The following ATL1 variants were observed in gnomAD, a reference collection of about 807,000 sequenced individuals.
The protein encoded by ATL1 is atlastin-1.
ATL1 carries 31 observed loss-of-function variants against 75.5 expected under a neutral mutation model. The ratio of observed to expected loss-of-function variants is 0.41; its 90% confidence interval spans 0.31 to 0.55. ATL1 has a LOEUF of 0.55. Ranked by LOEUF, ATL1 falls within the 20% of genes least tolerant of loss-of-function variation. The pLI is 0.27. For synonymous variants in ATL1, 226 were observed against 233.3 expected (o/e 0.97, Z 0.28); for missense variants, 405 against 662.6 (o/e 0.61, Z 4.27).
intron 1 of ATL1, among the ~76,000 whole-genome samples, chr14:50,554,114 T>C (rs1479004507): frequency 6.6e-6 from 1 of 152,164 alleles, no homozygotes; most frequent in African/African-American, 2.4e-5. Context: ...AAAAAGTTTT[T>C]TTTTTTTAAT....
upstream of ATL1, among the ~76,000 whole-genome samples, chr14:50,558,544 C>CA (rs1337093723): frequency 2.6e-5 from 4 of 152,190 alleles, no homozygotes; most frequent in African/African-American, 9.7e-5. Context: ...CACACAGTCT[C>CA]AAAGTATTCA....
chr14:50,583,764 A>G (rs117205451), intron 1 of ATL1, among the ~76,000 whole-genome samples: 469 of 152,334 alleles, frequency 3.1e-3, no homozygotes, highest in Non-Finnish European at 4.6e-3. Flanking sequence ...GGTGCTTGCC[A>G]TATTATATAC....
At position 50,621,993 on chromosome 14, in the gene ATL1, T is replaced by A. The variant is rs979175855; in HGVS notation, c.1047+94T>A. Reference sequence around the variant, plus strand: ...AACCAAATAACAATATTAGACAGAATAATTTATTGGAAGATTATTTGCCTA... The same window carrying A: ...AACCAAATAACAATATTAGACAGAAAAATTTATTGGAAGATTATTTGCCTA... On this transcript the variant is annotated intron_variant, in intron 10 of 13. Coordinates refer to ENST00000358385, the MANE Select transcript of ATL1 (RefSeq NM_015915.5). 1.7e-5 allele frequency: 15 copies of A among 859,466 alleles called. No individual in the cohort carries two copies. The East Asian group carries it at 3.6e-4, about 20-fold the overall frequency. 53.2% of individuals were successfully genotyped at this position (859,466 alleles called of 1,614,324 possible). A position where few individuals can be genotyped will look rare whatever the true frequency, so the allele number is the denominator to read the frequency against.
At chr14:50,588,855 A>C (rs1206016261) in intron 2 of ATL1, among the ~76,000 whole-genome samples, 2 of 152,210 alleles carry the variant, frequency 1.3e-5, no homozygotes, top group Non-Finnish European at 2.9e-5. Flanking sequence ...AAATGTTATT[A>C]TGCTAATTAA....
At chr14:50,543,690 G>A (rs1271254169) in intron 1 of ATL1, among the ~76,000 whole-genome samples, 1 of 152,136 alleles carries the variant, frequency 6.6e-6, no homozygotes, top group South Asian at 2.1e-4. Context: ...ACTCAACCCA[G>A]TCACCATTAT....
chr14:50,597,750 A>C (rs1237932064), intron 6 of ATL1, among the ~76,000 whole-genome samples: 1 of 152,082 alleles, frequency 6.6e-6, no homozygotes. Context: ...GCTGGAGTGC[A>C]GTGGTGCGAT....
chr14:50,582,590 GTTT>G (rs35684925), intron 1 of ATL1, among the ~76,000 whole-genome samples: 6 of 139,724 alleles, frequency 4.3e-5, no homozygotes, highest in Non-Finnish European at 3.1e-5. Flanking sequence ...TTGTGTTGTT[GTTT>G]TTTTTTTTTT....
intron 6 of ATL1, among the ~76,000 whole-genome samples, chr14:50,604,818 C>T (rs989144378): frequency 6.6e-6 from 1 of 151,948 alleles, no homozygotes; most frequent in African/African-American, 2.4e-5. Context: ...TACCATATTT[C>T]GTTAGTTAAG....
At chr14:50,601,264 A>G (rs2039269399) in intron 6 of ATL1, among the ~76,000 whole-genome samples, 1 of 152,224 alleles carries the variant, frequency 6.6e-6, no homozygotes, top group Admixed American at 6.5e-5. Context: ...GAATTAACAT[A>G]TTAACTTGAT....
chr14:50,628,015 T>G lies in ATL1; in HGVS notation c.1120-16T>G. The G allele has an allele frequency of 6.2e-7, 1 of 1,614,036 alleles. No individual in the cohort carries two copies. The highest frequency in any genetic ancestry group is 8.5e-7 in the Non-Finnish European group (1 of 1,179,958). ...ACTCTGCATTGCATAAACAAATACTTCTCTATCTGATACAGATTTGTGGTG... is the reference window on the plus strand; with the variant it reads ...ACTCTGCATTGCATAAACAAATACTGCTCTATCTGATACAGATTTGTGGTG... On this transcript the variant is annotated splice_polypyrimidine_tract_variant and intron_variant, in intron 11 of 13. Transcript: ENST00000358385.
intron 13 of ATL1, chr14:50,630,897 AAAC>A (rs1487226582): frequency 4.4e-6 from 2 of 451,448 alleles, no homozygotes; most frequent in African/African-American, 4.0e-5. Flanking sequence ...ATATAATGGA[AAAC>A]AATACTATGT....
chr14:50,572,901 G>C lies in ATL1; in HGVS notation c.34+12602G>C, dbSNP rs539651230. Among the ~76,000 whole-genome samples, 462 of 152,292 alleles carry C rather than the reference G, an allele frequency of 3.0e-3. 2 individuals carry two copies. In the Middle Eastern group the frequency reaches 0.037, roughly 12 times the overall value. On this transcript the variant is annotated intron_variant, in intron 1 of 13. Coordinates refer to ENST00000358385, the MANE Select transcript of ATL1 (RefSeq NM_015915.5). ...ATGAAAGAGGTTTAATTGACTCACAGTTCTGCATGGCTGGGGAGGCCTCAG... is the reference window on the plus strand; with the variant it reads ...ATGAAAGAGGTTTAATTGACTCACACTTCTGCATGGCTGGGGAGGCCTCAG...
chr14:50,632,190 T>A, intron 13 of ATL1, 39 bp from the exon 14 acceptor site: 1 of 1,473,060 alleles, frequency 6.8e-7, no homozygotes, highest in Non-Finnish European at 9.4e-7. Context: ...ATCTGTGTGT[T>A]TAATAAAATG....
At chr14:50,628,660 C>G (rs1173459961) in intron 12 of ATL1, 198 bp downstream of exon 12, 2 of 717,032 alleles carry the variant, frequency 2.8e-6, no homozygotes, top group Non-Finnish European at 5.1e-6. Context: ...AACTATTTTC[C>G]AGTTAACATT....
At chr14:50,568,895 T>C (rs2038929419) in intron 1 of ATL1, among the ~76,000 whole-genome samples, 1 of 152,184 alleles carries the variant, frequency 6.6e-6, no homozygotes, top group African/African-American at 2.4e-5. Context: ...CATTCTAAAG[T>C]TGTAACACTC....
At chr14:50,587,356 T>C (rs1249476038) in intron 1 of ATL1, among the ~76,000 whole-genome samples, 4 of 152,204 alleles carry the variant, frequency 2.6e-5, no homozygotes, top group Admixed American at 6.5e-5. Flanking sequence ...TGGGATATAG[T>C]GTGAATGACA....
At chr14:50,559,878 AT>A, upstream of ATL1, 1 of 277,650 alleles carries the variant, frequency 3.6e-6, no homozygotes. Context: ...ATCATGCAGT[AT>A]ATCGGTTTGT....
rs751107776 is a variant in ATL1, at chr14:50,628,022, C to G, written c.1120-9C>G. 6.2e-7 allele frequency: 1 copy of G among 1,613,968 alleles called. No homozygotes were observed. The highest frequency in any genetic ancestry group is 1.3e-5 in the African/African-American group (1 of 74,928). On this transcript the variant is annotated splice_polypyrimidine_tract_variant and intron_variant, in intron 11 of 13. Coordinates refer to ENST00000358385, the MANE Select transcript of ATL1 (RefSeq NM_015915.5). ...ATTGCATAAACAAATACTTCTCTATCTGATACAGATTTGTGGTGGTGACAA... is the reference window on the plus strand; with the variant it reads ...ATTGCATAAACAAATACTTCTCTATGTGATACAGATTTGTGGTGGTGACAA...
Position 50,623,268 on chromosome 14 carries a change from A to C in ATL1, c.1119+20A>C, listed in dbSNP as rs747984723. On this transcript the variant is annotated intron_variant, in intron 11 of 13. Transcript: ENST00000358385. Reference sequence around the variant, plus strand: ...GAAGAGGTAAGAGTTAAATATTTTAAATTCTGTCTTAAACAAAACCAGTAT... The same window carrying C: ...GAAGAGGTAAGAGTTAAATATTTTACATTCTGTCTTAAACAAAACCAGTAT... 1 of 1,599,818 alleles carries C rather than the reference A, an allele frequency of 6.3e-7. No homozygotes were observed. The highest frequency in any genetic ancestry group is 8.6e-7 in the Non-Finnish European group (1 of 1,167,896).
Sources: gnomAD v4.1 joint callset for allele counts (sites outside exome capture counted in the v4.1 genomes callset) on GRCh38, gnomAD v4.1.1 for gene constraint, MANE v1.5 for transcripts, NCBI Gene and HGNC (gene_info 2026-07-23, HGNC 2026-07-21) for gene names.